MROH7: variants seen among roughly 807,000 people sequenced by gnomAD.
The protein encoded by MROH7 is maestro heat-like repeat-containing protein family member 7.
In MROH7, 113 loss-of-function variants were observed where a neutral mutation model predicts 129.2. The observed-to-expected ratio is 0.87, with a 90% CI of 0.75 to 1.02. MROH7 has a LOEUF of 1.02. MROH7 is among the 50% of genes least tolerant of loss of function. The pLI is 0.00. For missense variants in MROH7, 1,601 were observed against 1,671.3 expected, an observed-to-expected ratio of 0.96 and a Z score of 0.73; for synonymous variants, 655 against 667.9, an observed-to-expected ratio of 0.98 and a Z score of 0.30.
intron 4 of MROH7, 52 bp from the exon 5 acceptor site, chr1:54,668,802 C>T (rs1644851585): frequency 1.5e-5 from 22 of 1,438,602 alleles, no homozygotes; most frequent in South Asian, 9.2e-5. Flanking sequence ...CCCCTGAGGA[C>T]TGGGCTCAGT....
At chr1:54,706,658 T>C (rs1189392864) in intron 22 of MROH7, 121 bp downstream of exon 22, 1 of 702,662 alleles carries the variant, frequency 1.4e-6, no homozygotes, top group African/African-American at 1.8e-5. Flanking sequence ...GGTGCAAGGC[T>C]TGGCCACCAG....
chr1:54,688,169 A>G (rs1416133678), intron 15 of MROH7, among the ~76,000 whole-genome samples: 2 of 150,952 alleles, frequency 1.3e-5, no homozygotes, highest in East Asian at 4.0e-4. Flanking sequence ...ACAGTGAGCC[A>G]AGATTGCACC....
chr1:54,687,197 C>T (rs1256902931), intron 15 of MROH7, among the ~76,000 whole-genome samples: 1 of 152,140 alleles, frequency 6.6e-6, no homozygotes, highest in African/African-American at 2.4e-5. Context: ...CCTCAGCCTC[C>T]CGAGTAGCTG....
intron 13 of MROH7, among the ~76,000 whole-genome samples, chr1:54,681,773 G>A (rs1645072503): frequency 1.3e-5 from 2 of 152,160 alleles, no homozygotes; most frequent in African/African-American, 4.8e-5. Context: ...TATGTGACAA[G>A]TGCAGGATCC....
chr1:54,643,383 G>A (rs1644416902), intron 1 of MROH7, among the ~76,000 whole-genome samples: 1 of 152,194 alleles, frequency 6.6e-6, no homozygotes, highest in South Asian at 2.1e-4. Context: ...AAAACATTGA[G>A]GATCCTGGAA....
intron 18 of MROH7, 115 bp downstream of exon 18, chr1:54,700,576 A>T (rs187292352): frequency 1.4e-5 from 14 of 1,015,650 alleles, no homozygotes; most frequent in Admixed American, 2.9e-5. Flanking sequence ...CATCATTTCT[A>T]TCTTAGCCTC....
chr1:54,656,123 A>G (rs954428337), intron 3 of MROH7, among the ~76,000 whole-genome samples: 1 of 151,352 alleles, frequency 6.6e-6, no homozygotes, highest in African/African-American at 2.4e-5. Flanking sequence ...TGAATTCCTG[A>G]CCTCAAGTGA....
Position 54,654,107 on chromosome 1 carries a change from T to A in MROH7, c.1181T>A (p.Ile394Asn). 1 of 1,613,822 alleles carries A rather than the reference T, an allele frequency of 6.2e-7. No homozygotes were observed. The highest frequency in any genetic ancestry group is 1.3e-5 in the African/African-American group (1 of 75,012). ...GGCCAGTTCCCGCTGGGATTCCCCA[T>A]CTCCAACCCCGCAGGCAAGGACGCC... The part of the protein sequence containing the change: ...KVGQFPLGFP[I>N]SNPAGKDAVT... Residue 394 changes from isoleucine (I) to asparagine (N), a missense_variant, in exon 3 of 24, where the codon ATC becomes AAC. By Grantham distance (149) the Ile-to-Asn change is moderately radical (BLOSUM62 -3). Coordinates refer to ENST00000421030, the MANE Select transcript of MROH7 (RefSeq NM_001039464.4).
chr1:54,653,302 A>C lies in MROH7; in HGVS notation c.376A>C (p.Asn126His). The C allele has an allele frequency of 1.2e-6, 2 of 1,614,168 alleles. No homozygotes were observed. Among genetic ancestry groups the C allele is most frequent in the South Asian group, 2.2e-5 (2 of 91,078 alleles). ...DSQGRLCPASNPILSPSSTEA... is the reference protein window; with the variant it reads ...DSQGRLCPASHPILSPSSTEA... ...ACAGGGGCGCCTCTGTCCAGCCTCA[A>C]ACCCCATTCTGAGCCCTAGCTCTAC... Residue 126 changes from asparagine (N) to histidine (H), a missense_variant, in exon 3 of 24, where the codon AAC (asparagine) becomes CAC (histidine). Coordinates refer to ENST00000421030, the MANE Select transcript of MROH7 (RefSeq NM_001039464.4).
chr1:54,682,404 G>A (rs1318418149), intron 13 of MROH7, among the ~76,000 whole-genome samples: 2 of 152,016 alleles, frequency 1.3e-5, no homozygotes, highest in Non-Finnish European at 2.9e-5. Flanking sequence ...CTGACCTTAG[G>A]TGATCCACCC....
At chr1:54,662,655 AG>A (rs1421064853) in intron 3 of MROH7, among the ~76,000 whole-genome samples, 2 of 152,248 alleles carry the variant, frequency 1.3e-5, no homozygotes, top group African/African-American at 4.8e-5. Context: ...CTTACAAAAA[AG>A]GATAAAATAT....
At chr1:54,681,053 C>A (rs769281469) in intron 13 of MROH7, among the ~76,000 whole-genome samples, 17 of 152,166 alleles carry the variant, frequency 1.1e-4, no homozygotes, top group Non-Finnish European at 2.2e-4. Flanking sequence ...GTCAGGAGCT[C>A]CTCCTTGCGG....
chr1:54,648,002 A>G (rs116761929), intron 1 of MROH7, among the ~76,000 whole-genome samples: 3,134 of 151,616 alleles, frequency 0.021, 103 homozygotes, highest in Admixed American at 0.094. Context: ...TTGTTGAAAC[A>G]TTTGTTGAAA....
chr1:54,701,574 A>G (rs1226949457), intron 19 of MROH7, among the ~76,000 whole-genome samples: 1 of 152,134 alleles, frequency 6.6e-6, no homozygotes, highest in Non-Finnish European at 1.5e-5. Context: ...TGACTGGTTC[A>G]TCTAGAGGGG....
At chr1:54,652,670 C>A (rs1288096340) in intron 2 of MROH7, among the ~76,000 whole-genome samples, 183 bp from the exon 3 acceptor site, 2 of 152,090 alleles carry the variant, frequency 1.3e-5, no homozygotes, top group African/African-American at 2.4e-5. Context: ...AGGTTGTGGT[C>A]AAAGAACAGA....
At chr1:54,705,053 C>A (rs1315617190) in intron 21 of MROH7, among the ~76,000 whole-genome samples, 1 of 152,138 alleles carries the variant, frequency 6.6e-6, no homozygotes, top group Non-Finnish European at 1.5e-5. Flanking sequence ...CCGCCTCAGC[C>A]TCCCAAAATG....
chr1:54,660,066 C>T (rs1644709325), intron 3 of MROH7, among the ~76,000 whole-genome samples: 1 of 152,152 alleles, frequency 6.6e-6, no homozygotes, highest in South Asian at 2.1e-4. Context: ...TATTGCCAAA[C>T]AGTTTTTCAA....
intron 11 of MROH7, 117 bp downstream of exon 11, chr1:54,678,971 G>GC (rs1437994808): frequency 1.2e-6 from 1 of 808,488 alleles, no homozygotes; most frequent in Non-Finnish European, 2.1e-6. Flanking sequence ...CGCCTTCCCA[G>GC]CCACCCACGC....
At chr1:54,688,231 A>AG (rs1645181264) in intron 15 of MROH7, among the ~76,000 whole-genome samples, 2 of 148,946 alleles carry the variant, frequency 1.3e-5, no homozygotes, top group African/African-American at 2.5e-5. Flanking sequence ...AAAAAAAAAA[A>AG]ATTTTTTTTT....
Sources: gnomAD v4.1 joint callset for allele counts (sites outside exome capture counted in the v4.1 genomes callset) on GRCh38, gnomAD v4.1.1 for gene constraint, MANE v1.5 for transcripts, NCBI Gene and HGNC (gene_info 2026-07-23, HGNC 2026-07-21) for gene names.